The following PARD3B variants were observed in gnomAD, a reference collection of about 807,000 sequenced individuals.
PARD3B encodes partitioning defective 3 homolog B.
In PARD3B, 103 loss-of-function variants were observed where a neutral mutation model predicts 130.2. That is an observed-to-expected ratio of 0.79 (90% CI 0.67 to 0.93). The LOEUF is 0.93. Among genes scored for constraint, PARD3B ranks in the 40% least tolerant of loss-of-function variants. The pLI, the probability that PARD3B is intolerant of heterozygous loss-of-function variation, is 0.00. For synonymous variants in PARD3B, 583 were observed against 553.2 expected, an observed-to-expected ratio of 1.05 and a Z score of -0.76; for missense variants, 1,609 against 1,499.2, an observed-to-expected ratio of 1.07 and a Z score of -1.21.
intron 19 of PARD3B, among the ~76,000 whole-genome samples, chr2:205,418,182 C>G (rs2046845646): frequency 6.6e-6 from 1 of 152,110 alleles, no homozygotes; most frequent in Non-Finnish European, 1.5e-5. Flanking sequence ...GGTCCCTGGA[C>G]CTTTTTCCTT....
At chr2:204,722,353 C>G (rs1379585314) in intron 2 of PARD3B, among the ~76,000 whole-genome samples, 2 of 152,102 alleles carry the variant, frequency 1.3e-5, no homozygotes, top group East Asian at 3.9e-4. Flanking sequence ...TATCTTGGGA[C>G]TAGTTTATCT....
chr2:204,733,273 A>G (rs1414662375), intron 2 of PARD3B, among the ~76,000 whole-genome samples: 1 of 152,202 alleles, frequency 6.6e-6, no homozygotes, highest in Non-Finnish European at 1.5e-5. Context: ...ATCATAAAAC[A>G]TGAAATACTT....
intron 22 of PARD3B, among the ~76,000 whole-genome samples, chr2:205,604,637 C>T (rs188808628): frequency 1.3e-5 from 2 of 152,242 alleles, no homozygotes; most frequent in Non-Finnish European, 2.9e-5. Flanking sequence ...CTGCTCTTAA[C>T]ATTTTTTCCT....
intron 20 of PARD3B, among the ~76,000 whole-genome samples, chr2:205,454,717 C>G (rs1217718310): frequency 6.6e-6 from 1 of 152,144 alleles, no homozygotes; most frequent in Non-Finnish European, 1.5e-5. Flanking sequence ...GGGGCCTAGG[C>G]TCAAGCCATG....
At chr2:204,805,882 A>G (rs1030274007) in intron 2 of PARD3B, among the ~76,000 whole-genome samples, 1 of 152,118 alleles carries the variant, frequency 6.6e-6, no homozygotes, top group African/African-American at 2.4e-5. Flanking sequence ...TAAAAACACT[A>G]AAAATAACTG....
intron 4 of PARD3B, among the ~76,000 whole-genome samples, chr2:205,051,568 CT>C (rs1575644831): frequency 6.6e-6 from 1 of 152,122 alleles, no homozygotes; most frequent in East Asian, 1.9e-4. Context: ...CAGTTGATGA[CT>C]GTTATTTTTA....
In PARD3B at chr2:205,616,560, C is replaced by G. The variant is rs2055443781; in HGVS notation, c.*747C>G. ...TCAGAGCTTCCAGAAGGAATATCTT[C>G]CGAGGACTAAGGTGATCAGGTTAAG... On this transcript the variant is annotated 3_prime_UTR_variant, in exon 23 of 23. Coordinates refer to ENST00000406610, the MANE Select transcript of PARD3B (RefSeq NM_001302769.2). 6.6e-6 allele frequency: 1 copy of G among 152,202 alleles called. No homozygotes were observed. Among genetic ancestry groups the G allele is most frequent in the African/African-American group, 2.4e-5 (1 of 41,446 alleles). The allele number at this position is 152,202 out of a possible 1,614,324, so 9.4% of individuals were successfully genotyped here.
At chr2:205,498,016 AACACAC>A (rs57531393) in intron 20 of PARD3B, among the ~76,000 whole-genome samples, 7 of 142,056 alleles carry the variant, frequency 4.9e-5, no homozygotes, top group Non-Finnish European at 1.1e-4. Context: ...GTCTCTACTA[AACACAC>A]ACACACACAC....
Position 205,572,563 on chromosome 2 carries a change from G to A in PARD3B, c.3260+19160G>A, listed in dbSNP as rs111365200. Among the ~76,000 whole-genome samples, 4,129 of 152,198 alleles carry A rather than the reference G, an allele frequency of 0.027. 174 individuals are homozygous for A. The highest frequency in any genetic ancestry group is 0.094 in the African/African-American group (3,915 of 41,522). On this transcript the variant is annotated intron_variant, in intron 22 of 22. Transcript: ENST00000406610. The surrounding 1 kb of genome is among the most constrained non-coding windows in gnomAD (Gnocchi z 4.2). ...AGTTTGAGACCACCCCAAACAACAT[G>A]GTGAAACCTCATCTCTACTAAAATA...
chr2:205,497,728 T>C (rs925599610), intron 20 of PARD3B, among the ~76,000 whole-genome samples: 1 of 152,124 alleles, frequency 6.6e-6, no homozygotes, highest in African/African-American at 2.4e-5. Context: ...CTTTCTGGAC[T>C]TTTTTCCTGT....
At chr2:205,299,804 T>A (rs2041930692) in intron 16 of PARD3B, among the ~76,000 whole-genome samples, 1 of 152,142 alleles carries the variant, frequency 6.6e-6, no homozygotes, top group African/African-American at 2.4e-5. Flanking sequence ...CATTAAAAGG[T>A]TGCCTCTTTT....
intron 20 of PARD3B, among the ~76,000 whole-genome samples, chr2:205,498,825 T>C (rs968424016): frequency 2.4e-4 from 36 of 152,182 alleles, no homozygotes; most frequent in African/African-American, 8.4e-4. Context: ...GTGATTTTCT[T>C]CAATGGCCCT....
At chr2:204,825,119 T>G (rs1168234147) in intron 2 of PARD3B, among the ~76,000 whole-genome samples, 1 of 152,238 alleles carries the variant, frequency 6.6e-6, no homozygotes, top group Admixed American at 6.5e-5. Context: ...GAGCTGATTA[T>G]TGCAGAGCAT....
At chr2:205,544,330 A>G (rs1470401085) in intron 21 of PARD3B, among the ~76,000 whole-genome samples, 3 of 150,814 alleles carry the variant, frequency 2.0e-5, no homozygotes, top group African/African-American at 7.3e-5. Context: ...CAATATCTCT[A>G]TTTGTAGGTA....
In PARD3B at chr2:205,176,521, A is replaced by G. The variant is rs2035478350; in HGVS notation, c.1868A>G (p.Asn623Ser). 2 of 1,613,078 alleles carry G rather than the reference A, an allele frequency of 1.2e-6. No homozygotes were observed. The highest frequency in any genetic ancestry group is 1.7e-6 in the Non-Finnish European group (2 of 1,179,200). Reference sequence around the variant, plus strand: ...AATGCTGTAACCACCTCTAGGCGAAATGATAATAGTATCCTGCATCCACTT... The same window carrying G: ...AATGCTGTAACCACCTCTAGGCGAAGTGATAATAGTATCCTGCATCCACTT... ...CQNAVTTSRRNDNSILHPLGT... is the reference protein window; with the variant it reads ...CQNAVTTSRRSDNSILHPLGT... Residue 623 changes from asparagine (N) to serine (S), a missense_variant, in exon 13 of 23, where the codon AAT becomes AGT. Coordinates refer to ENST00000406610, the MANE Select transcript of PARD3B (RefSeq NM_001302769.2). The surrounding 1 kb of genome is among the most constrained non-coding windows in gnomAD (Gnocchi z 5.3).
At chr2:204,605,228 A>G (rs11883548) in intron 1 of PARD3B, among the ~76,000 whole-genome samples, 3,522 of 152,216 alleles carry the variant, frequency 0.023, 130 homozygotes, top group East Asian at 0.14. Flanking sequence ...AGGAGAGGGG[A>G]ATTAGACTTT....
intron 2 of PARD3B, among the ~76,000 whole-genome samples, chr2:204,747,214 G>A (rs1344397643): frequency 2.0e-5 from 3 of 152,062 alleles, no homozygotes; most frequent in Non-Finnish European, 4.4e-5. Context: ...AGTTTTCCCA[G>A]CACCATTTAT....
intron 12 of PARD3B, among the ~76,000 whole-genome samples, chr2:205,175,600 A>G (rs1193158202): frequency 2.0e-5 from 3 of 152,230 alleles, no homozygotes; most frequent in African/African-American, 4.8e-5. Context: ...TTTGTGGTAC[A>G]TTCTTCTCAC....
chr2:204,615,541 G>C (rs1475991587), intron 1 of PARD3B, among the ~76,000 whole-genome samples: 1 of 152,148 alleles, frequency 6.6e-6, no homozygotes, highest in Non-Finnish European at 1.5e-5. Context: ...TTGGGAAATT[G>C]TCAAGCTCAG....
Sources: allele counts gnomAD v4.1 joint callset (sites outside exome capture counted in the v4.1 genomes callset), GRCh38; gene constraint gnomAD v4.1.1; non-coding constraint Gnocchi (gnomAD v3.1); transcripts MANE v1.5; gene names NCBI Gene and HGNC (gene_info 2026-07-23, HGNC 2026-07-21).